DLAT: variants seen among roughly 807,000 people sequenced by gnomAD.
DLAT encodes the protein dihydrolipoyllysine-residue acetyltransferase component of pyruvate dehydrogenase complex, mitochondrial.
Under a neutral mutation model 68.0 loss-of-function variants are expected in DLAT, and 43 were observed. That is an observed-to-expected ratio of 0.63 (90% confidence interval 0.50 to 0.81). The LOEUF (loss-of-function observed/expected upper bound fraction) is 0.81. Among genes scored for constraint, DLAT ranks in the 40% least tolerant of loss-of-function variants. The probability of loss-of-function intolerance (pLI) is 0.00; values close to 1 mark genes in which losing one functional copy is unlikely to be tolerated. For missense variants in DLAT, 745 were observed against 815.4 expected (o/e 0.91, Z 1.05); for synonymous variants, 265 against 288.6 (o/e 0.92, Z 0.83).
intron 10 of DLAT, among the ~76,000 whole-genome samples, chr11:112,046,753 G>T (rs1555181527): frequency 6.6e-6 from 1 of 152,136 alleles, no homozygotes; most frequent in African/African-American, 2.4e-5. Flanking sequence ...TGCTGAGAAT[G>T]ATGGTTTCCA....
At position 112,063,146 on chromosome 11, in the gene DLAT, G is replaced by T. The variant is rs1395645047; in HGVS notation, c.*611G>T. The T allele has an allele frequency of 6.6e-6, 1 of 152,626 alleles. No individual in the cohort carries two copies. The highest frequency in any genetic ancestry group is 1.5e-5 in the Non-Finnish European group (1 of 68,434). 9.5% of individuals were successfully genotyped at this position (152,626 alleles called of 1,614,324 possible). ...TTCAGCTGATTGTTTATTTTTCTAT[G>T]AATTCCTACACATGGTTATTCCCCC... On this transcript the variant is annotated 3_prime_UTR_variant, in exon 14 of 14. Coordinates refer to ENST00000280346, the MANE Select transcript of DLAT (RefSeq NM_001931.5).
At chr11:112,036,265 G>A (rs1454647876) in intron 5 of DLAT, among the ~76,000 whole-genome samples, 1 of 129,330 alleles carries the variant, frequency 7.7e-6, no homozygotes, top group African/African-American at 3.0e-5. Context: ...CCAGGCTGGA[G>A]TGCAATGGCA....
intron 4 of DLAT, chr11:112,032,731 G>C (rs1555180061): frequency 6.6e-6 from 1 of 152,594 alleles, no homozygotes; most frequent in East Asian, 1.9e-4. Context: ...AGAATGGTTT[G>C]GACCAAGGTC....
chr11:112,059,452 G>C (rs974316238), intron 11 of DLAT, among the ~76,000 whole-genome samples: 1 of 151,766 alleles, frequency 6.6e-6, no homozygotes, highest in African/African-American at 2.4e-5. Flanking sequence ...GAGTGCAGTG[G>C]TGTGATCTCA....
At chr11:112,028,441 A>G in intron 2 of DLAT, 74 bp from the exon 3 acceptor site, 1 of 1,501,084 alleles carries the variant, frequency 6.7e-7, no homozygotes, top group East Asian at 2.3e-5. Flanking sequence ...AAAAAAAAAA[A>G]AAAATTCTAG....
chr11:112,036,201 GT>G (rs1167345612), intron 5 of DLAT, among the ~76,000 whole-genome samples: 88 of 36,480 alleles, frequency 2.4e-3, no homozygotes, highest in African/African-American at 7.5e-3. Flanking sequence ...GTGTGTGTGT[GT>G]TTTTTTTTTT....
At chr11:112,036,096 C>CATAT (rs71060207) in intron 5 of DLAT, among the ~76,000 whole-genome samples, 71 of 141,440 alleles carry the variant, frequency 5.0e-4, no homozygotes, top group South Asian at 1.1e-3. Context: ...CAGCCTTAAA[C>CATAT]ATATATATAT....
At chr11:112,038,357 C>A (rs1384603700) in intron 6 of DLAT, among the ~76,000 whole-genome samples, 1 of 151,738 alleles carries the variant, frequency 6.6e-6, no homozygotes, top group Non-Finnish European at 1.5e-5. Flanking sequence ...AGCCACCATG[C>A]CCGGCTAATT....
intron 4 of DLAT, among the ~76,000 whole-genome samples, chr11:112,030,713 T>C (rs1862346414): frequency 6.6e-6 from 1 of 152,244 alleles, no homozygotes; most frequent in Admixed American, 6.5e-5. Flanking sequence ...GTCTGTATAT[T>C]TGTGTGCTTT....
intron 11 of DLAT, among the ~76,000 whole-genome samples, chr11:112,053,381 G>A (rs1322197321): frequency 6.6e-6 from 1 of 152,096 alleles, no homozygotes; most frequent in Non-Finnish European, 1.5e-5. Flanking sequence ...CCATGGCTTA[G>A]AGTGACTTGT....
At chr11:112,058,752 A>C (rs1364661041) in intron 11 of DLAT, among the ~76,000 whole-genome samples, 2 of 151,972 alleles carry the variant, frequency 1.3e-5, no homozygotes, top group African/African-American at 4.8e-5. Flanking sequence ...AGTTATTTTC[A>C]TATCACATTG....
chr11:112,030,414 G>A, intron 4 of DLAT: 1 of 399,226 alleles, frequency 2.5e-6, no homozygotes, highest in Non-Finnish European at 4.9e-6. Flanking sequence ...TTCAGCATGA[G>A]ATTTGGAGGG....
At position 112,025,637 on chromosome 11, in the gene DLAT, C is replaced by G. The variant is rs199520186; in HGVS notation, c.165C>G (p.Val55=). The part of the protein sequence containing the change: ...RNSVTTGYGG[V]RALCGWTPSS... Reference sequence around the variant, plus strand: ...GCGTGACTACAGGGTATGGCGGGGTCCGGGCACTGTGCGGCTGGACCCCCA... The same window carrying G: ...GCGTGACTACAGGGTATGGCGGGGTGCGGGCACTGTGCGGCTGGACCCCCA... Residue 55 remains valine (V), a synonymous_variant, in exon 1 of 14, where the codon GTC becomes GTG. Transcript: ENST00000280346. The G allele has an allele frequency of 2.2e-5, 36 of 1,613,346 alleles. 1 individual carries two copies. Among genetic ancestry groups the G allele is most frequent in the Admixed American group, 6.7e-5 (4 of 60,024 alleles).
At chr11:112,054,278 C>T (rs1327195538) in intron 11 of DLAT, among the ~76,000 whole-genome samples, 1 of 152,012 alleles carries the variant, frequency 6.6e-6, no homozygotes, top group African/African-American at 2.4e-5. Context: ...ATTGCACGCG[C>T]CACTGCACTC....
chr11:112,058,217 C>A (rs1265138441), intron 11 of DLAT, among the ~76,000 whole-genome samples: 1 of 152,200 alleles, frequency 6.6e-6, no homozygotes, highest in African/African-American at 2.4e-5. Context: ...GGAATACTGT[C>A]CTTACTGTCT....
At chr11:112,044,866 C>G (rs1266798300) in intron 8 of DLAT, among the ~76,000 whole-genome samples, 1 of 152,056 alleles carries the variant, frequency 6.6e-6, no homozygotes, top group African/African-American at 2.4e-5. Context: ...ATTTCCGTCT[C>G]TACTAGAAAT....
intron 4 of DLAT, among the ~76,000 whole-genome samples, chr11:112,030,579 G>A (rs1323475133): frequency 1.3e-5 from 2 of 152,212 alleles, no homozygotes; most frequent in African/African-American, 4.8e-5. Context: ...AAAGTTAAGT[G>A]TAAGATACAC....
chr11:112,040,242 A>G (rs1022245284), intron 7 of DLAT, among the ~76,000 whole-genome samples: 3 of 151,976 alleles, frequency 2.0e-5, no homozygotes, highest in East Asian at 1.9e-4. Flanking sequence ...GGGGGAAGTT[A>G]TTATGCTTGG....
At chr11:112,031,548 C>G (rs1235216559) in intron 4 of DLAT, among the ~76,000 whole-genome samples, 1 of 151,756 alleles carries the variant, frequency 6.6e-6, no homozygotes, top group Non-Finnish European at 1.5e-5. Context: ...TCCCGACTAG[C>G]TGGGAATACA....
Sources: gnomAD v4.1 joint callset for allele counts (sites outside exome capture counted in the v4.1 genomes callset) on GRCh38, gnomAD v4.1.1 for gene constraint, MANE v1.5 for transcripts, NCBI Gene and HGNC (gene_info 2026-07-23, HGNC 2026-07-21) for gene names.